The following SLC26A8 variants were observed in gnomAD, a reference collection of about 807,000 sequenced individuals.
SLC26A8 encodes the protein testis anion transporter 1.
A neutral mutation model predicts 105.0 loss-of-function variants in SLC26A8; 70 were observed. That is an observed-to-expected ratio of 0.67 (90% confidence interval 0.55 to 0.81). The LOEUF (loss-of-function observed/expected upper bound fraction) is 0.81, where lower values mean the gene tolerates loss of function less well. SLC26A8 is among the 40% of genes least tolerant of loss of function. The pLI, the probability that SLC26A8 is intolerant of heterozygous loss-of-function variation, is 0.00. For synonymous variants in SLC26A8, 415 were observed against 438.3 expected, an observed-to-expected ratio of 0.95 and a Z score of 0.66; for missense variants, 998 against 1,181.8, an observed-to-expected ratio of 0.84 and a Z score of 2.28.
chr6:35,953,045 A>C lies in SLC26A8; in HGVS notation c.2233-1546T>G, dbSNP rs571164577. ...AAAAAAAAAAAAAAAAAATGGACTG[A>C]TGGATTTTTCTTAGGTTCCAGTTTT... On this transcript the variant is annotated intron_variant, in intron 17 of 19. Coordinates refer to ENST00000490799, the MANE Select transcript of SLC26A8 (RefSeq NM_052961.4). 2.7e-3 allele frequency among the ~76,000 whole-genome samples: 398 copies of C among 148,974 alleles called. 1 individual carries two copies. Among genetic ancestry groups the C allele is most frequent in the Middle Eastern group, 0.017 (5 of 288 alleles).
At chr6:36,008,411 G>A (rs1196661354) in intron 3 of SLC26A8, among the ~76,000 whole-genome samples, 1 of 152,158 alleles carries the variant, frequency 6.6e-6, no homozygotes, top group Non-Finnish European at 1.5e-5. Context: ...GAAGATATGA[G>A]GATAGCAAGT....
intron 4 of SLC26A8, among the ~76,000 whole-genome samples, chr6:35,998,513 C>A (rs575620480): frequency 6.7e-6 from 1 of 148,592 alleles, no homozygotes; most frequent in Non-Finnish European, 1.5e-5. Flanking sequence ...CGAGATGGCA[C>A]GATTGCACTC....
chr6:35,980,727 A>G (rs190008487), intron 8 of SLC26A8, among the ~76,000 whole-genome samples: 1 of 152,138 alleles, frequency 6.6e-6, no homozygotes, highest in Admixed American at 6.6e-5. Flanking sequence ...AATAGCCTAC[A>G]TTTGCCCGGG....
intron 7 of SLC26A8, among the ~76,000 whole-genome samples, chr6:35,983,350 G>A (rs1773355710): frequency 1.3e-5 from 2 of 152,130 alleles, no homozygotes; most frequent in Admixed American, 6.5e-5. Context: ...ATGAAAATAT[G>A]AAACATTGAA....
Position 36,023,546 on chromosome 6 carries a change from C to CAAAAA in SLC26A8, c.-3+953_-3+957dup, listed in dbSNP as rs59633591. Among the ~76,000 whole-genome samples the CAAAAA allele has an allele frequency of 1.4e-4, 9 of 63,510 alleles. No individual in the cohort carries two copies. The East Asian group carries it at 3.7e-3, about 26-fold the overall frequency. 41.7% of individuals were successfully genotyped at this position (63,510 alleles called of 152,430 possible). A position where few individuals can be genotyped will look rare whatever the true frequency, so the allele number is the denominator to read the frequency against. On this transcript the variant is annotated intron_variant, in intron 1 of 19. Transcript: ENST00000490799. ...TGGGCGACAGAGCAAGACTCTGTCT[C>CAAAAA]AAAAAAAAAAAAAAAAAAAAAAGTC...
At chr6:35,994,198 T>C (rs1761280444) in intron 5 of SLC26A8, among the ~76,000 whole-genome samples, 3 of 144,696 alleles carry the variant, frequency 2.1e-5, no homozygotes, top group African/African-American at 7.7e-5. Context: ...CACTGCAATC[T>C]CCACCTCCCA....
chr6:35,970,970 G>A (rs1159401075), intron 10 of SLC26A8, among the ~76,000 whole-genome samples: 1 of 152,130 alleles, frequency 6.6e-6, no homozygotes, highest in Non-Finnish European at 1.5e-5. Context: ...AGAGGTTGCA[G>A]AGCCAAGACC....
intron 10 of SLC26A8, among the ~76,000 whole-genome samples, chr6:35,974,951 T>A (rs1772943936): frequency 6.6e-6 from 1 of 150,998 alleles, no homozygotes; most frequent in South Asian, 2.1e-4. Flanking sequence ...AGAGATGGGG[T>A]TTTACCATGT....
chr6:35,998,081 G>C (rs1324746347), intron 4 of SLC26A8, among the ~76,000 whole-genome samples, 162 bp from the exon 5 acceptor site: 2 of 152,208 alleles, frequency 1.3e-5, no homozygotes, highest in African/African-American at 2.4e-5. Flanking sequence ...AAAGAGAACT[G>C]TGTCTCCACA....
chr6:35,997,796 C>T lies in SLC26A8; in HGVS notation c.569G>A (p.Gly190Asp). Residue 190 changes from glycine (G) to aspartate (D), a missense_variant, in exon 5 of 20, where the codon GGC (glycine) becomes GAC (aspartate). Gly to Asp is a moderately conservative substitution (Grantham distance 94). Transcript: ENST00000490799. ...NEFSAPSYLM[G>D]YNKSLSVVAT... ...CACCACACTCAAGGATTTATTATAG[C>T]CCATAAGGTAGGAGGGGGCCGAAAA... 1 of 1,614,082 alleles carries T rather than the reference C, an allele frequency of 6.2e-7. No individual in the cohort carries two copies. The highest frequency in any genetic ancestry group is 1.1e-5 in the South Asian group (1 of 91,080).
At chr6:36,002,637 A>T (rs532394080) in intron 3 of SLC26A8, among the ~76,000 whole-genome samples, 169 of 151,852 alleles carry the variant, frequency 1.1e-3, no homozygotes, top group African/African-American at 3.7e-3. Flanking sequence ...TTATAGGAGT[A>T]TGTATATTAT....
chr6:35,960,002 G>C (rs547136797), intron 14 of SLC26A8, 196 bp from the exon 15 acceptor site: 4 of 417,540 alleles, frequency 9.6e-6, no homozygotes, highest in Admixed American at 9.2e-5. Flanking sequence ...TCCGCCTCTC[G>C]GGTTCAAGCA....
intron 2 of SLC26A8, among the ~76,000 whole-genome samples, chr6:36,014,807 A>C (rs1424608357): frequency 6.6e-6 from 1 of 152,140 alleles, no homozygotes; most frequent in African/African-American, 2.4e-5. Context: ...CTGAGGTTGC[A>C]GTGAGCTGAG....
At position 36,014,144 on chromosome 6, in the gene SLC26A8, G is replaced by C. The variant is rs573172460; in HGVS notation, c.189-1772C>G. ...TACAAAATATGCTCTTTCTAATTAT[G>C]AGCCTCTGTGGAGAAGAGTAGAGCA... On this transcript the variant is annotated intron_variant, in intron 2 of 19. Coordinates refer to ENST00000490799, the MANE Select transcript of SLC26A8 (RefSeq NM_052961.4). Among the ~76,000 whole-genome samples, 3 of 152,302 alleles carry C rather than the reference G, an allele frequency of 2.0e-5. No homozygotes were observed. In the South Asian group the frequency reaches 6.2e-4, roughly 32 times the overall value.
At chr6:36,002,587 T>A (rs1761554234) in intron 3 of SLC26A8, among the ~76,000 whole-genome samples, 1 of 152,220 alleles carries the variant, frequency 6.6e-6, no homozygotes, top group Non-Finnish European at 1.5e-5. Context: ...ATTTTATTAC[T>A]AATAATGTTG....
At chr6:36,021,628 T>G (rs1762128424) in intron 1 of SLC26A8, among the ~76,000 whole-genome samples, 1 of 152,130 alleles carries the variant, frequency 6.6e-6, no homozygotes, top group Non-Finnish European at 1.5e-5. Flanking sequence ...CTCTAGCCAT[T>G]TTTGCCATCG....
At chr6:36,000,207 A>G (rs1046432685) in intron 3 of SLC26A8, 99 bp from the exon 4 acceptor site, 2 of 739,154 alleles carry the variant, frequency 2.7e-6, no homozygotes, top group South Asian at 3.4e-5. Context: ...ATCCATGTGT[A>G]TAGCTGACTG....
intron 19 of SLC26A8, among the ~76,000 whole-genome samples, chr6:35,945,556 C>T (rs971799173): frequency 1.1e-4 from 17 of 152,122 alleles, no homozygotes; most frequent in Admixed American, 7.2e-4. Flanking sequence ...CAGCTTTGTG[C>T]GTGCCATTCC....
At chr6:35,983,336 A>G (rs1773355324) in intron 7 of SLC26A8, among the ~76,000 whole-genome samples, 1 of 152,226 alleles carries the variant, frequency 6.6e-6, no homozygotes, top group African/African-American at 2.4e-5. Flanking sequence ...GTTCACAGAG[A>G]AAAATGAAAA....
Sources: gnomAD v4.1 joint callset for allele counts (sites outside exome capture counted in the v4.1 genomes callset) on GRCh38, gnomAD v4.1.1 for gene constraint, MANE v1.5 for transcripts, NCBI Gene and HGNC (gene_info 2026-07-23, HGNC 2026-07-21) for gene names.